AGK: variants seen among roughly 807,000 people sequenced by gnomAD.
AGK encodes the protein acylglycerol kinase, mitochondrial.
In AGK, 52 loss-of-function variants were observed where a neutral mutation model predicts 66.4. The observed-to-expected ratio is 0.78, with a 90% CI of 0.63 to 0.99. The LOEUF (loss-of-function observed/expected upper bound fraction) is 0.99, where lower values mean the gene tolerates loss of function less well. Among genes scored for constraint, AGK ranks in the 50% least tolerant of loss-of-function variants. AGK has a pLI of 0.00. For missense variants in AGK, 451 were observed against 506.6 expected, an observed-to-expected ratio of 0.89 and a Z score of 1.05; for synonymous variants, 182 against 181.1, an observed-to-expected ratio of 1.00 and a Z score of -0.04.
intron 8 of AGK, among the ~76,000 whole-genome samples, chr7:141,620,554 C>T (rs1296512648): frequency 3.3e-5 from 5 of 151,992 alleles, no homozygotes; most frequent in East Asian, 1.9e-4. Context: ...TTTGACTTAA[C>T]GAAGACACAC....
At chr7:141,581,651 G>A (rs1795882806) in intron 2 of AGK, among the ~76,000 whole-genome samples, 1 of 151,864 alleles carries the variant, frequency 6.6e-6, no homozygotes, top group Admixed American at 6.5e-5. Flanking sequence ...GGAGGAAGTA[G>A]AGGTGTCCTA....
At chr7:141,611,407 T>C in intron 6 of AGK, 120 bp downstream of exon 6, 1 of 654,998 alleles carries the variant, frequency 1.5e-6, no homozygotes, top group Non-Finnish European at 2.4e-6. Flanking sequence ...ATTTTAGGAT[T>C]GTTGCTCTCT....
rs543325278 is a variant in AGK at position 141,655,085 on chromosome 7, C to G, written c.*2161C>G. The G allele has an allele frequency of 6.6e-6, 1 of 152,198 alleles. No individual in the cohort carries two copies. The highest frequency in any genetic ancestry group is 1.5e-5 in the Non-Finnish European group (1 of 68,032). 9.4% of individuals were successfully genotyped at this position (152,198 alleles called of 1,614,324 possible). A position where few individuals can be genotyped will look rare whatever the true frequency, so the allele number is the denominator to read the frequency against. The stretch of plus-strand genomic sequence containing the variant: ...GTGGTTCTGTAACAATATCAAGGAC[C>G]AGTGCAGAATCTGGCTTTCTTTTCT... On this transcript the variant is annotated 3_prime_UTR_variant, in exon 16 of 16. Transcript: ENST00000649286.
At chr7:141,604,731 G>A (rs1038712755) in intron 5 of AGK, among the ~76,000 whole-genome samples, 7 of 151,248 alleles carry the variant, frequency 4.6e-5, no homozygotes, top group Admixed American at 2.0e-4. Context: ...TTACAGGTGC[G>A]TGCCACCACA....
Position 141,654,456 on chromosome 7 carries a change from G to C in AGK, c.*1532G>C, listed in dbSNP as rs1797640872. On this transcript the variant is annotated 3_prime_UTR_variant, in exon 16 of 16. Transcript: ENST00000649286. ...CTTTGGCATTTTGACAAAGATCACA[G>C]TGCTCTATCATCAAGAATTATTAAT... 6.6e-6 allele frequency: 1 copy of C among 152,198 alleles called. No individual in the cohort carries two copies. Among genetic ancestry groups the C allele is most frequent in the Non-Finnish European group, 1.5e-5 (1 of 68,036 alleles). 9.4% of individuals were successfully genotyped at this position (152,198 alleles called of 1,614,324 possible). A position where few individuals can be genotyped will look rare whatever the true frequency, so the allele number is the denominator to read the frequency against.
chr7:141,571,273 T>C (rs1179045324), intron 2 of AGK, among the ~76,000 whole-genome samples: 1 of 152,220 alleles, frequency 6.6e-6, no homozygotes, highest in Non-Finnish European at 1.5e-5. Context: ...CTGTGTCTTG[T>C]CAGCTGGTGA....
chr7:141,578,355 TA>T (rs1448531536), intron 2 of AGK, among the ~76,000 whole-genome samples: 1 of 151,860 alleles, frequency 6.6e-6, no homozygotes, highest in African/African-American at 2.4e-5. Context: ...TGTCATCAGT[TA>T]AGGCAGGGAC....
At chr7:141,610,600 C>A (rs1307364858) in intron 5 of AGK, among the ~76,000 whole-genome samples, 1 of 152,152 alleles carries the variant, frequency 6.6e-6, no homozygotes, top group Admixed American at 6.5e-5. Flanking sequence ...TAATAACCTC[C>A]TTTTATTTAG....
rs1797559894 is a variant in AGK, at chr7:141,651,588, G to A, written c.1110G>A (p.Gln370=). 4 of 1,614,118 alleles carry A rather than the reference G, an allele frequency of 2.5e-6. No homozygotes were observed. The highest frequency in any genetic ancestry group is 3.3e-4 in the Middle Eastern group (2 of 6,084). ...VEGTECLQAS[Q]CTLLIPEGAG... is the part of the protein sequence containing the mutation. Reference sequence around the variant, plus strand: ...GCACGGAGTGTCTCCAAGCCAGCCAGTGCACTTTGCTTATCCCGGAGGTGA... The same window carrying A: ...GCACGGAGTGTCTCCAAGCCAGCCAATGCACTTTGCTTATCCCGGAGGTGA... The change falls in exon 15 of 16, where the codon CAG becomes CAA. Residue 370 remains glutamine, a synonymous_variant. Coordinates refer to ENST00000649286, the MANE Select transcript of AGK (RefSeq NM_018238.4).
chr7:141,641,532 C>A, intron 12 of AGK, 134 bp downstream of exon 12: 2 of 1,050,642 alleles, frequency 1.9e-6, no homozygotes, highest in Non-Finnish European at 2.8e-6. Flanking sequence ...ATTCATCCTT[C>A]TGTGTGCCAC....
chr7:141,607,615 A>G (rs1056468400), intron 5 of AGK, among the ~76,000 whole-genome samples: 1 of 152,024 alleles, frequency 6.6e-6, no homozygotes, highest in African/African-American at 2.4e-5. Flanking sequence ...AGTGTTTTTC[A>G]TAGAGCAGAA....
intron 2 of AGK, among the ~76,000 whole-genome samples, chr7:141,588,053 T>G (rs1796030203): frequency 6.6e-6 from 1 of 152,238 alleles, no homozygotes; most frequent in Non-Finnish European, 1.5e-5. Flanking sequence ...TCAGAAGCAT[T>G]ATTGCATCTG....
chr7:141,627,276 C>T lies in AGK; in HGVS notation c.588+5475C>T, dbSNP rs376159811. On this transcript the variant is annotated intron_variant, in intron 9 of 15. Coordinates refer to ENST00000649286, the MANE Select transcript of AGK (RefSeq NM_018238.4). Reference sequence around the variant, plus strand: ...AGTTACATAGCGATTCCTTTTTCATCTAAACTCTTATTTTTTTTTCTGGAA... The same window carrying T: ...AGTTACATAGCGATTCCTTTTTCATTTAAACTCTTATTTTTTTTTCTGGAA... 1.2e-4 allele frequency among the ~76,000 whole-genome samples: 19 copies of T among 152,042 alleles called. No individual in the cohort carries two copies. The East Asian group carries it at 3.3e-3, about 26-fold the overall frequency.
At chr7:141,600,731 A>G (rs1562969462) in intron 4 of AGK, among the ~76,000 whole-genome samples, 1 of 152,214 alleles carries the variant, frequency 6.6e-6, no homozygotes, top group South Asian at 2.1e-4. Flanking sequence ...ATAAGGTACT[A>G]GGGGAGCACA....
chr7:141,603,458 C>T (rs1442734537), intron 5 of AGK, among the ~76,000 whole-genome samples: 1 of 151,974 alleles, frequency 6.6e-6, no homozygotes, highest in African/African-American at 2.4e-5. Flanking sequence ...TACTAGCTTG[C>T]TTATTTTTAG....
intron 9 of AGK, 88 bp from the exon 10 acceptor site, chr7:141,633,812 TA>T (rs1587151805): frequency 7.8e-6 from 9 of 1,159,666 alleles, no homozygotes; most frequent in Non-Finnish European, 1.2e-5. Flanking sequence ...TGATGAAAAG[TA>T]GGCCATGAAC....
At chr7:141,597,904 AAAAAAAAAAAAAAAAG>A (rs1208791760) in intron 4 of AGK, among the ~76,000 whole-genome samples, 30 of 145,532 alleles carry the variant, frequency 2.1e-4, no homozygotes, top group Non-Finnish European at 4.2e-4. Context: ...AAAAAAAAAA[AAAAAAAAAAAAAAAAG>A]AAAGAAGAAA....
rs551628941 is a variant in AGK at position 141,598,866 on chromosome 7, G to C, written c.221+2225G>C. 6.6e-6 allele frequency: 1 copy of C among 152,192 alleles called. No homozygotes were observed. The highest frequency in any genetic ancestry group is 2.1e-4 in the South Asian group (1 of 4,816). The allele number at this position is 152,192 out of a possible 1,614,324, so 9.4% of individuals were successfully genotyped here. A position where few individuals can be genotyped will look rare whatever the true frequency, so the allele number is the denominator to read the frequency against. The stretch of plus-strand genomic sequence containing the variant: ...CAATAACCAGTTATTTTGAGTTCCT[G>C]CTTCTAAGAGGTATCTACATTTTTA... On this transcript the variant is annotated intron_variant, in intron 4 of 15. Coordinates refer to ENST00000649286, the MANE Select transcript of AGK (RefSeq NM_018238.4). The surrounding 1 kb of genome is among the most constrained non-coding windows in gnomAD (Gnocchi z 4.2).
At chr7:141,567,687 A>G (rs548754302) in intron 2 of AGK, among the ~76,000 whole-genome samples, 1 of 152,360 alleles carries the variant, frequency 6.6e-6, no homozygotes, top group African/African-American at 2.4e-5. Flanking sequence ...CAAGCTTTCC[A>G]GCTTCCCTGG....
Sources: allele counts gnomAD v4.1 joint callset (sites outside exome capture counted in the v4.1 genomes callset), GRCh38; gene constraint gnomAD v4.1.1; non-coding constraint Gnocchi (gnomAD v3.1); transcripts MANE v1.5; gene names NCBI Gene and HGNC (gene_info 2026-07-23, HGNC 2026-07-21).